UGGT2: variants seen among roughly 807,000 people sequenced by gnomAD.
The protein encoded by UGGT2 is UDP-glucose:glycoprotein glucosyltransferase 2.
A neutral mutation model predicts 192.1 loss-of-function variants in UGGT2; 180 were observed. The ratio of observed to expected loss-of-function variants is 0.94; its 90% confidence interval spans 0.83 to 1.06. The LOEUF is 1.06. Ranked by LOEUF, UGGT2 falls within the 50% of genes least tolerant of loss-of-function variation. The probability of loss-of-function intolerance (pLI) is 0.00; values close to 1 mark genes in which losing one functional copy is unlikely to be tolerated. For missense variants in UGGT2, 1,849 were observed against 1,795.7 expected (o/e 1.03, Z -0.54); for synonymous variants, 580 against 591.0 (o/e 0.98, Z 0.27).
At chr13:96,039,335 T>C (rs1311721914) in intron 1 of UGGT2, among the ~76,000 whole-genome samples, 6 of 152,142 alleles carry the variant, frequency 3.9e-5, no homozygotes, top group Non-Finnish European at 7.4e-5. Context: ...TCTAATACAT[T>C]CCCCAAAACT....
chr13:95,908,529 T>A (rs2048365966), intron 20 of UGGT2, among the ~76,000 whole-genome samples: 1 of 152,148 alleles, frequency 6.6e-6, no homozygotes, highest in Non-Finnish European at 1.5e-5. Context: ...CCACACTGAC[T>A]TCCACAATGG....
chr13:95,991,324 C>T (rs1260465063), intron 7 of UGGT2: 1 of 320,280 alleles, frequency 3.1e-6, no homozygotes. Context: ...CGGTTGAACT[C>T]ATCTACACAC....
At chr13:96,042,610 A>T (rs938629322) in intron 1 of UGGT2, among the ~76,000 whole-genome samples, 2 of 145,346 alleles carry the variant, frequency 1.4e-5, no homozygotes, top group African/African-American at 2.5e-5. Context: ...TTAAGGAAAT[A>T]AAAAAAAAAA....
rs536359651 is a variant in UGGT2, at chr13:95,910,145, C to T, written c.2296-7085G>A. Among the ~76,000 whole-genome samples the T allele has an allele frequency of 3.9e-5, 6 of 152,236 alleles. No homozygotes were observed. The South Asian group carries it at 1.2e-3, about 32-fold the overall frequency. On this transcript the variant is annotated intron_variant, in intron 20 of 38. Coordinates refer to ENST00000376747, the MANE Select transcript of UGGT2 (RefSeq NM_020121.4). ...CCAGCCACTGCAAAAACATGCCAAA[C>T]TGTAAAGACCATTGGTGCTATGAAG... is the stretch of plus-strand genomic sequence containing the variant.
chr13:95,818,737 G>A (rs747619575), intron 38 of UGGT2, among the ~76,000 whole-genome samples: 1 of 152,170 alleles, frequency 6.6e-6, no homozygotes, highest in Non-Finnish European at 1.5e-5. Context: ...GGCTCAGGCT[G>A]TGGGTACAGA....
At chr13:95,961,054 G>A (rs2050376294) in intron 12 of UGGT2, among the ~76,000 whole-genome samples, 1 of 152,116 alleles carries the variant, frequency 6.6e-6, no homozygotes, top group Admixed American at 6.5e-5. Flanking sequence ...ATACCCAGAA[G>A]TGAAAGAATG....
chr13:95,907,280 C>T lies in UGGT2; in HGVS notation c.2296-4220G>A, dbSNP rs185570006. On this transcript the variant is annotated intron_variant, in intron 20 of 38. Coordinates refer to ENST00000376747, the MANE Select transcript of UGGT2 (RefSeq NM_020121.4). ...GAAGCTCGAACTAGGGGCAGCCCAC[C>T]GCAGCTCAGCGAGGCCTACTGCCTC... 4.9e-4 allele frequency among the ~76,000 whole-genome samples: 74 copies of T among 152,316 alleles called. 1 individual carries two copies. The highest frequency in any genetic ancestry group is 1.6e-3 in the African/African-American group (68 of 41,586).
chr13:95,816,727 A>G (rs566590370), intron 38 of UGGT2, among the ~76,000 whole-genome samples: 114 of 152,336 alleles, frequency 7.5e-4, no homozygotes, highest in African/African-American at 2.5e-3. Context: ...GGGTGTGGAA[A>G]GGAAGGTTCT....
At chr13:95,847,554 G>GT (rs1433397568) in intron 36 of UGGT2, among the ~76,000 whole-genome samples, 4 of 152,084 alleles carry the variant, frequency 2.6e-5, no homozygotes, top group African/African-American at 9.7e-5. Flanking sequence ...GAATAATACA[G>GT]TATGTAATCT....
At chr13:95,991,592 G>A in intron 7 of UGGT2, 2 of 215,904 alleles carry the variant, frequency 9.3e-6, no homozygotes, top group South Asian at 6.2e-5. Flanking sequence ...GTGGGATCAT[G>A]TTTTGAAAAC....
intron 29 of UGGT2, among the ~76,000 whole-genome samples, chr13:95,870,576 G>A (rs1891130563): frequency 1.3e-5 from 2 of 152,196 alleles, no homozygotes; most frequent in South Asian, 4.1e-4. Context: ...CTGATGATGG[G>A]AAAGTAGCAG....
intron 5 of UGGT2, among the ~76,000 whole-genome samples, chr13:96,005,346 A>T (rs374274370): frequency 1.3e-5 from 2 of 152,164 alleles, no homozygotes; most frequent in South Asian, 2.1e-4. Flanking sequence ...GGCTAACGTG[A>T]GAGTGTGAAG....
chr13:95,872,885 A>G (rs553367815), intron 29 of UGGT2, among the ~76,000 whole-genome samples: 3 of 152,312 alleles, frequency 2.0e-5, no homozygotes, highest in African/African-American at 7.2e-5. Context: ...AAAAGAAGGG[A>G]TAAGTGGAGA....
intron 38 of UGGT2, among the ~76,000 whole-genome samples, chr13:95,822,896 C>CT (rs1052839481): frequency 6.6e-6 from 1 of 151,956 alleles, no homozygotes. Flanking sequence ...TATTTGTGCT[C>CT]TTTCAGACTT....
At chr13:96,049,676 A>G (rs1028053111) in intron 1 of UGGT2, among the ~76,000 whole-genome samples, 3 of 152,218 alleles carry the variant, frequency 2.0e-5, no homozygotes, top group South Asian at 4.1e-4. Context: ...GCATTGCTCT[A>G]TGCCAATAAC....
chr13:96,035,535 T>C (rs146659526), intron 1 of UGGT2, among the ~76,000 whole-genome samples: 20 of 152,264 alleles, frequency 1.3e-4, no homozygotes, highest in Non-Finnish European at 1.5e-4. Flanking sequence ...CCAAGAGCAA[T>C]TGCAACAAAA....
At chr13:96,010,496 AG>A (rs1209596231) in intron 5 of UGGT2, among the ~76,000 whole-genome samples, 1 of 152,198 alleles carries the variant, frequency 6.6e-6, no homozygotes, top group Non-Finnish European at 1.5e-5. Flanking sequence ...ATCAGGAAAA[AG>A]GCAAGGATAT....
At chr13:95,928,292 A>G (rs56322430) in intron 17 of UGGT2, among the ~76,000 whole-genome samples, 57,696 of 149,940 alleles carry the variant, frequency 0.38, 11,120 homozygotes, top group Middle Eastern at 0.42. Context: ...CTGGCCGGGC[A>G]GGGGCTGCCC....
intron 2 of UGGT2, among the ~76,000 whole-genome samples, chr13:96,030,355 G>C (rs1243136683): frequency 6.6e-6 from 1 of 152,150 alleles, no homozygotes; most frequent in African/African-American, 2.4e-5. Context: ...TGTGGATGTA[G>C]ATCCCATTTA....
Sources: allele counts gnomAD v4.1 joint callset (sites outside exome capture counted in the v4.1 genomes callset), GRCh38; gene constraint gnomAD v4.1.1; transcripts MANE v1.5; gene names NCBI Gene and HGNC (gene_info 2026-07-23, HGNC 2026-07-21).